The following CREB5 variants were observed in gnomAD, a reference collection of about 807,000 sequenced individuals.
CREB5 encodes the protein cyclic AMP-responsive element-binding protein 5.
CREB5 carries 19 observed loss-of-function variants against 57.1 expected under a neutral mutation model. The observed-to-expected ratio is 0.33, with a 90% CI of 0.23 to 0.49. The LOEUF is 0.49. Ranked by LOEUF, CREB5 falls within the 20% of genes least tolerant of loss-of-function variation. The probability of loss-of-function intolerance (pLI) is 0.99; values close to 1 mark genes in which losing one functional copy is unlikely to be tolerated. For missense variants in CREB5, 579 were observed against 671.6 expected (o/e 0.86, Z 1.52); for synonymous variants, 238 against 238.3 (o/e 1.00, Z 0.01).
intron 1 of CREB5, among the ~76,000 whole-genome samples, chr7:28,467,692 A>G (rs1349415514): frequency 6.6e-6 from 1 of 152,140 alleles, no homozygotes; most frequent in East Asian, 1.9e-4. Context: ...CTACCATGCA[A>G]ATGTAAATGT....
chr7:28,737,527 GTATATATATACGTA>G lies in CREB5; in HGVS notation c.702+13206_702+13219del, dbSNP rs1216825258. On this transcript the variant is annotated intron_variant, in intron 7 of 10. Coordinates refer to ENST00000357727, the MANE Select transcript of CREB5 (RefSeq NM_182898.4). ...TCTCTGTGTGTGTGTGTGTATATAT[GTATATATATACGTA>G]TATATATATATATATATATATATAT... Among the ~76,000 whole-genome samples, 223 of 84,266 alleles carry G rather than the reference GTATATATATACGTA, an allele frequency of 2.6e-3. 4 individuals are homozygous for G. The highest frequency in any genetic ancestry group is 4.3e-3 in the Non-Finnish European group (183 of 42,644). The allele number at this position is 84,266 out of a possible 152,430, so 55.3% of individuals were successfully genotyped here.
rs1421662575 is a variant in CREB5 at position 28,471,949 on chromosome 7, T to G, written c.4-16226T>G. ...AATCACAATAAGATAAAACACAATT[T>G]GTCAATTATTAAAGTTTTGACCAAC... On this transcript the variant is annotated intron_variant, in intron 1 of 10. Transcript: ENST00000357727. Among the ~76,000 whole-genome samples, 5 of 57,628 alleles carry G rather than the reference T, an allele frequency of 8.7e-5. No individual in the cohort carries two copies. The East Asian group carries it at 2.4e-3, about 28-fold the overall frequency. 37.8% of individuals were successfully genotyped at this position (57,628 alleles called of 152,430 possible).
chr7:28,422,412 T>C (rs1301720011), intron 1 of CREB5, among the ~76,000 whole-genome samples: 17 of 152,146 alleles, frequency 1.1e-4, no homozygotes, highest in Admixed American at 1.1e-3. Flanking sequence ...GAAGAGTTTC[T>C]AGAAGCAGTA....
chr7:28,361,808 C>T (rs952205725), intron 1 of CREB5, among the ~76,000 whole-genome samples: 11 of 152,124 alleles, frequency 7.2e-5, no homozygotes, highest in Non-Finnish European at 1.0e-4. Context: ...AACAATAGCA[C>T]TCTGTATTGT....
chr7:28,713,102 G>A (rs2128744052), intron 5 of CREB5, among the ~76,000 whole-genome samples: 1 of 152,138 alleles, frequency 6.6e-6, no homozygotes, highest in South Asian at 2.1e-4. Context: ...GCCCAGGCTG[G>A]AGTGCAGTGG....
chr7:28,541,849 C>T (rs926277370), intron 4 of CREB5, among the ~76,000 whole-genome samples: 2 of 152,168 alleles, frequency 1.3e-5, no homozygotes, highest in African/African-American at 4.8e-5. Flanking sequence ...TCAATGGCTT[C>T]TACTGTGGTT....
intron 5 of CREB5, among the ~76,000 whole-genome samples, chr7:28,597,687 C>G (rs1796739227): frequency 6.6e-6 from 1 of 152,132 alleles, no homozygotes; most frequent in Non-Finnish European, 1.5e-5. Context: ...ACCTCTCTCT[C>G]AACTCTAGAG....
intron 5 of CREB5, among the ~76,000 whole-genome samples, chr7:28,583,615 A>C (rs185770969): frequency 2.9e-4 from 44 of 152,320 alleles, no homozygotes; most frequent in Admixed American, 1.0e-3. Context: ...GAGCTTCAAG[A>C]GGAGCAGAGA....
intron 7 of CREB5, among the ~76,000 whole-genome samples, chr7:28,737,577 AT>A (rs1562606839): frequency 0.012 from 361 of 29,850 alleles, 6 homozygotes; most frequent in South Asian, 0.023. Flanking sequence ...ATATATATAT[AT>A]ATATATATAT....
At chr7:28,666,382 G>C (rs1724875372) in intron 5 of CREB5, among the ~76,000 whole-genome samples, 1 of 152,100 alleles carries the variant, frequency 6.6e-6, no homozygotes. Flanking sequence ...TCTTATGAGA[G>C]ACCTCCAAAG....
intron 5 of CREB5, among the ~76,000 whole-genome samples, chr7:28,611,489 T>TAAAAAAAAAAAAAAA (rs59192497): frequency 2.1e-5 from 1 of 47,982 alleles, no homozygotes; most frequent in African/African-American, 9.2e-5. Flanking sequence ...CCATCTCTAC[T>TAAAAAAAAAAAAAAA]AAAAAAAAAA....
At chr7:28,649,944 A>G (rs1439999600) in intron 5 of CREB5, among the ~76,000 whole-genome samples, 1 of 152,220 alleles carries the variant, frequency 6.6e-6, no homozygotes, top group Non-Finnish European at 1.5e-5. Context: ...AAAGTGTCAC[A>G]GAAGAAGCTC....
chr7:28,763,195 A>G (rs1479256326), intron 7 of CREB5, among the ~76,000 whole-genome samples: 10 of 152,250 alleles, frequency 6.6e-5, no homozygotes, highest in Admixed American at 6.5e-4. Context: ...ATATAAAAAC[A>G]TGCAAAGAAG....
At chr7:28,539,907 G>T (rs773510855) in intron 4 of CREB5, among the ~76,000 whole-genome samples, 5 of 152,180 alleles carry the variant, frequency 3.3e-5, no homozygotes, top group Non-Finnish European at 7.4e-5. Context: ...CATCGCCTAA[G>T]TTGTAAAGCA....
At position 28,494,895 on chromosome 7, in the gene CREB5, TCGTCCG is replaced by T; in HGVS notation, c.76-10_76-5del. On this transcript the variant is annotated splice_region_variant and splice_polypyrimidine_tract_variant and intron_variant, in intron 2 of 10. Transcript: ENST00000357727. ...TCTTCTCCCCTCCCTTTTTTTTTAT[TCGTCCG>T]ACAGCGCTTCCCAACAGAGGACCAT... The T allele has an allele frequency of 6.4e-7, 1 of 1,561,500 alleles. No homozygotes were observed. The highest frequency in any genetic ancestry group is 8.6e-7 in the Non-Finnish European group (1 of 1,160,896).
At chr7:28,652,476 T>C (rs1473075336) in intron 5 of CREB5, among the ~76,000 whole-genome samples, 1 of 152,214 alleles carries the variant, frequency 6.6e-6, no homozygotes, top group Non-Finnish European at 1.5e-5. Flanking sequence ...ATGTGGTCTA[T>C]TTAAGATAGC....
At chr7:28,544,900 T>C (rs1417236717) in intron 4 of CREB5, among the ~76,000 whole-genome samples, 1 of 152,200 alleles carries the variant, frequency 6.6e-6, no homozygotes, top group Non-Finnish European at 1.5e-5. Context: ...AATATAAATC[T>C]GGGAACAGCT....
intron 4 of CREB5, among the ~76,000 whole-genome samples, chr7:28,551,950 A>G (rs1372707567): frequency 2.2e-5 from 1 of 44,942 alleles, no homozygotes; most frequent in Non-Finnish European, 4.8e-5. Flanking sequence ...TCTCTTTTTT[A>G]TTCTTTCTCT....
chr7:28,458,683 CTGAT>C (rs1242998743), intron 1 of CREB5, among the ~76,000 whole-genome samples: 1 of 152,224 alleles, frequency 6.6e-6, no homozygotes, highest in Non-Finnish European at 1.5e-5. Context: ...CCATCACACA[CTGAT>C]TGTGTGATCT....
Sources: allele counts gnomAD v4.1 joint callset (sites outside exome capture counted in the v4.1 genomes callset), GRCh38; gene constraint gnomAD v4.1.1; transcripts MANE v1.5; gene names NCBI Gene and HGNC (gene_info 2026-07-23, HGNC 2026-07-21).